Variants in ZHX2 observed in about 807,000 individuals in gnomAD.
ZHX2 encodes zinc fingers and homeoboxes 2.
A neutral mutation model predicts 21.9 loss-of-function variants in ZHX2; 6 were observed. The observed-to-expected ratio is 0.27, with a 90% CI of 0.15 to 0.54. The LOEUF is 0.54. ZHX2 is among the 20% of genes least tolerant of loss of function. ZHX2 has a pLI of 0.95. For synonymous variants in ZHX2, 434 were observed against 437.1 expected (o/e 0.99, Z 0.09); for missense variants, 908 against 1,090.7 (o/e 0.83, Z 2.36).
chr8:122,918,521 AG>A (rs765522838), intron 2 of ZHX2, among the ~76,000 whole-genome samples: 12 of 152,090 alleles, frequency 7.9e-5, no homozygotes, highest in Non-Finnish European at 1.3e-4. Context: ...TCGTCTTTGG[AG>A]GAGACCATGG....
At chr8:122,848,038 C>A (rs957358630) in intron 1 of ZHX2, among the ~76,000 whole-genome samples, 1 of 152,194 alleles carries the variant, frequency 6.6e-6, no homozygotes. Context: ...GAAAGTCCGC[C>A]GCAGGGAGCT....
intron 1 of ZHX2, among the ~76,000 whole-genome samples, chr8:122,810,829 G>C (rs553733397): frequency 4.1e-4 from 63 of 151,822 alleles, no homozygotes; most frequent in African/African-American, 1.3e-3. Context: ...TTTAGGGTAC[G>C]TGTGCACATT....
intron 1 of ZHX2, among the ~76,000 whole-genome samples, chr8:122,811,056 GACAGAGATGTTGA>G (rs1817917532): frequency 6.6e-6 from 1 of 152,194 alleles, no homozygotes; most frequent in African/African-American, 2.4e-5. Context: ...AGTGGAGACA[GACAGAGATGTTGA>G]ACAGGTGGAA....
intron 1 of ZHX2, among the ~76,000 whole-genome samples, chr8:122,850,059 A>T (rs1304280488): frequency 6.6e-6 from 1 of 152,224 alleles, no homozygotes; most frequent in Non-Finnish European, 1.5e-5. Flanking sequence ...CTCAGTAAAT[A>T]GTACCTCTAT....
At chr8:122,899,255 C>T (rs1820171345) in intron 2 of ZHX2, among the ~76,000 whole-genome samples, 1 of 152,124 alleles carries the variant, frequency 6.6e-6, no homozygotes, top group Non-Finnish European at 1.5e-5. Flanking sequence ...GATCCTCTTA[C>T]ACCCTCTCTA....
chr8:122,862,689 T>G (rs1286081467), intron 1 of ZHX2, among the ~76,000 whole-genome samples: 1 of 152,140 alleles, frequency 6.6e-6, no homozygotes, highest in Non-Finnish European at 1.5e-5. Context: ...CAGGAATGGA[T>G]GAAAAGAGAA....
At position 122,828,007 on chromosome 8, in the gene ZHX2, G is replaced by A. The variant is rs62521564; in HGVS notation, c.-282-35470G>A. 0.23 allele frequency among the ~76,000 whole-genome samples: 34,976 copies of A among 152,114 alleles called. 4,353 individuals carry two copies. The highest frequency in any genetic ancestry group is 0.32 in the South Asian group (1,523 of 4,824). Reference sequence around the variant, plus strand: ...TGCACAACTGTAGTCCCAGCTACTCGGGAGGCTGAGATGGGAGGATCACTT... The same window carrying A: ...TGCACAACTGTAGTCCCAGCTACTCAGGAGGCTGAGATGGGAGGATCACTT... On this transcript the variant is annotated intron_variant, in intron 1 of 3. Coordinates refer to ENST00000314393, the MANE Select transcript of ZHX2 (RefSeq NM_014943.5). The surrounding 1 kb of genome is among the most constrained non-coding windows in gnomAD (Gnocchi z 5.2).
At chr8:122,783,076 G>A (rs543921738) in intron 1 of ZHX2, among the ~76,000 whole-genome samples, 3 of 152,298 alleles carry the variant, frequency 2.0e-5, no homozygotes, top group South Asian at 4.1e-4. Flanking sequence ...AGGCGGCGGC[G>A]GAGGAGGGTT....
chr8:122,957,978 ATACT>A (rs546582299), intron 3 of ZHX2, among the ~76,000 whole-genome samples: 74 of 152,364 alleles, frequency 4.9e-4, no homozygotes, highest in East Asian at 1.7e-3. Context: ...CCCTATTTAA[ATACT>A]TATTTATTTA....
chr8:122,941,880 C>A (rs535537321), intron 2 of ZHX2, among the ~76,000 whole-genome samples: 24 of 152,274 alleles, frequency 1.6e-4, no homozygotes, highest in South Asian at 1.5e-3. Context: ...GACTGAGGTT[C>A]ATGAATTGGT....
intron 2 of ZHX2, among the ~76,000 whole-genome samples, chr8:122,893,218 C>A (rs1047686039): frequency 6.6e-6 from 1 of 152,014 alleles, no homozygotes; most frequent in Non-Finnish European, 1.5e-5. Context: ...AATGCGAATT[C>A]TCTTATATGT....
intron 2 of ZHX2, among the ~76,000 whole-genome samples, chr8:122,947,539 G>A (rs1280869218): frequency 6.6e-6 from 1 of 152,224 alleles, no homozygotes; most frequent in Admixed American, 6.5e-5. Flanking sequence ...ATAAACAAGT[G>A]GATAGACACT....
chr8:122,824,979 A>G (rs918502204), intron 1 of ZHX2, among the ~76,000 whole-genome samples: 9 of 152,184 alleles, frequency 5.9e-5, no homozygotes, highest in Admixed American at 1.3e-4. Context: ...CATCATTCCA[A>G]CATTGACTCT....
At chr8:122,841,281 G>A (rs940433537) in intron 1 of ZHX2, among the ~76,000 whole-genome samples, 3 of 152,236 alleles carry the variant, frequency 2.0e-5, no homozygotes, top group Admixed American at 6.5e-5. Flanking sequence ...GAAGTCAGCC[G>A]GTGACTTCCG....
intron 2 of ZHX2, among the ~76,000 whole-genome samples, chr8:122,888,152 C>A (rs1366318473): frequency 6.6e-6 from 1 of 152,118 alleles, no homozygotes; most frequent in South Asian, 2.1e-4. Context: ...TGGGGCCAAG[C>A]AACTCGGGAT....
chr8:122,949,829 G>C lies in ZHX2; in HGVS notation c.-219-1463G>C, dbSNP rs548773078. The stretch of plus-strand genomic sequence containing the variant: ...GAGGATTGCTTAAGCCCAGGAGATA[G>C]AGGCTGCAGTGAGCTAGAATTGTGC... On this transcript the variant is annotated intron_variant, in intron 2 of 3. Transcript: ENST00000314393. Among the ~76,000 whole-genome samples, 328 of 152,328 alleles carry C rather than the reference G, an allele frequency of 2.2e-3. 1 individual carries two copies. The highest frequency in any genetic ancestry group is 7.6e-3 in the African/African-American group (315 of 41,568).
At chr8:122,943,772 T>G (rs1162259756) in intron 2 of ZHX2, among the ~76,000 whole-genome samples, 1 of 152,182 alleles carries the variant, frequency 6.6e-6, no homozygotes, top group Admixed American at 6.5e-5. Flanking sequence ...GGTTTGTTCT[T>G]CATTGATGTG....
chr8:122,826,755 G>A (rs1232168244), intron 1 of ZHX2, among the ~76,000 whole-genome samples: 1 of 152,178 alleles, frequency 6.6e-6, no homozygotes, highest in Non-Finnish European at 1.5e-5. Context: ...AATGTGTTCA[G>A]ATCCAACTTC....
intron 2 of ZHX2, among the ~76,000 whole-genome samples, chr8:122,938,900 G>A (rs1176502092): frequency 6.6e-6 from 1 of 152,162 alleles, no homozygotes; most frequent in African/African-American, 2.4e-5. Flanking sequence ...CAGTAGAGGT[G>A]TTTTGAGGAT....
Sources: allele counts gnomAD v4.1 joint callset (sites outside exome capture counted in the v4.1 genomes callset), GRCh38; gene constraint gnomAD v4.1.1; non-coding constraint Gnocchi (gnomAD v3.1); transcripts MANE v1.5; gene names NCBI Gene and HGNC (gene_info 2026-07-23, HGNC 2026-07-21).